Variants in ACVR1 observed in about 807,000 individuals in gnomAD.
The protein encoded by ACVR1 is activin A receptor type 1, also known as activin receptor type-1.
A neutral mutation model predicts 57.1 loss-of-function variants in ACVR1; 38 were observed. The ratio of observed to expected loss-of-function variants is 0.67; its 90% CI spans 0.51 to 0.87. The LOEUF is 0.87. Ranked by LOEUF, ACVR1 falls within the 40% of genes least tolerant of loss-of-function variation. The pLI is 0.00. For missense variants in ACVR1, 463 were observed against 638.2 expected (o/e 0.73, Z 2.96); for synonymous variants, 212 against 228.1 (o/e 0.93, Z 0.63).
chr2:157,812,995 A>G (rs936330813), intron 2 of ACVR1, among the ~76,000 whole-genome samples: 22 of 152,240 alleles, frequency 1.4e-4, no homozygotes, highest in Admixed American at 3.3e-4. Flanking sequence ...TGAACATCAT[A>G]AAGAGTGAAC....
At chr2:157,843,633 A>G in intron 1 of ACVR1, among the ~76,000 whole-genome samples, 1 of 152,190 alleles carries the variant, frequency 6.6e-6, no homozygotes, top group Non-Finnish European at 1.5e-5. Flanking sequence ...ATTATGTCAC[A>G]GTCTCTGGAT....
At chr2:157,770,227 A>G in intron 7 of ACVR1, 141 bp downstream of exon 7, 1 of 850,120 alleles carries the variant, frequency 1.2e-6, no homozygotes, top group Non-Finnish European at 1.9e-6. Flanking sequence ...GAGAAAATTA[A>G]ACAGCATATA....
chr2:157,840,428 G>GA (rs1377557210), intron 1 of ACVR1, among the ~76,000 whole-genome samples: 1 of 152,134 alleles, frequency 6.6e-6, no homozygotes, highest in Non-Finnish European at 1.5e-5. Flanking sequence ...ATGAAAGCAA[G>GA]AAAAAAGTTT....
At chr2:157,790,420 C>T (rs1157319497) in intron 3 of ACVR1, among the ~76,000 whole-genome samples, 1 of 152,192 alleles carries the variant, frequency 6.6e-6, no homozygotes, top group Non-Finnish European at 1.5e-5. Flanking sequence ...CTGTACCTCT[C>T]ATTTCACTGC....
Position 157,738,568 on chromosome 2 carries a change from T to C in ACVR1, c.1267A>G (p.Ile423Val). Residue 423 changes from isoleucine (I) to valine (V), a missense_variant and splice_region_variant, in exon 10 of 11, where the codon ATA (isoleucine) becomes GTA (valine). Physicochemically the swap from Ile to Val is conservative, Grantham distance 29 (BLOSUM62 3). Coordinates refer to ENST00000434821, the MANE Select transcript of ACVR1 (RefSeq NM_001111067.4). Reference sequence around the variant, plus strand: ...AACGGTGGCTTGTAATCCTCCACTATACCTGCACACAAGGACAAGAATTGT... The same window carrying C: ...AACGGTGGCTTGTAATCCTCCACTACACCTGCACACAAGGACAAGAATTGT... The part of the protein sequence containing the change: ...EVARRMVSNG[I>V]VEDYKPPFYD... 6.2e-7 allele frequency: 1 copy of C among 1,614,030 alleles called. No individual in the cohort carries two copies. Among genetic ancestry groups the C allele is most frequent in the Non-Finnish European group, 8.5e-7 (1 of 1,179,916 alleles).
intron 8 of ACVR1, among the ~76,000 whole-genome samples, chr2:157,763,549 T>C (rs1685744511): frequency 6.6e-6 from 1 of 152,154 alleles, no homozygotes; most frequent in South Asian, 2.1e-4. Flanking sequence ...TGAGACCTCA[T>C]TTCTACTAAG....
intron 1 of ACVR1, among the ~76,000 whole-genome samples, chr2:157,830,491 T>C (rs1181272860): frequency 6.6e-6 from 1 of 152,176 alleles, no homozygotes; most frequent in Non-Finnish European, 1.5e-5. Context: ...TCTGATTTCA[T>C]ACAAAAAGAC....
chr2:157,768,611 A>G (rs997619552), intron 7 of ACVR1, among the ~76,000 whole-genome samples: 41 of 152,222 alleles, frequency 2.7e-4, no homozygotes, highest in Admixed American at 2.6e-4. Context: ...ATTACTTTTA[A>G]ATAAGCAGGG....
intron 3 of ACVR1, among the ~76,000 whole-genome samples, chr2:157,793,386 A>T (rs1686993479): frequency 6.6e-6 from 1 of 152,170 alleles, no homozygotes; most frequent in Non-Finnish European, 1.5e-5. Flanking sequence ...ATGTGGCACT[A>T]GTTTAACTAC....
chr2:157,874,632 G>C (rs952865167), intron 1 of ACVR1, among the ~76,000 whole-genome samples: 1 of 152,178 alleles, frequency 6.6e-6, no homozygotes, highest in African/African-American at 2.4e-5. Flanking sequence ...GGGGAAAAGG[G>C]AGGTGGTGTC....
chr2:157,841,166 T>C (rs1688959251), intron 1 of ACVR1, among the ~76,000 whole-genome samples: 1 of 151,886 alleles, frequency 6.6e-6, no homozygotes, highest in Non-Finnish European at 1.5e-5. Flanking sequence ...GATCAAAAAG[T>C]GGGGATATTA....
intron 1 of ACVR1, among the ~76,000 whole-genome samples, chr2:157,856,094 ACT>A (rs1689523756): frequency 6.6e-6 from 1 of 152,024 alleles, no homozygotes; most frequent in Non-Finnish European, 1.5e-5. Flanking sequence ...CTTTGACAAG[ACT>A]CTACGAGACA....
At chr2:157,799,390 A>AT (rs1687242661) in intron 3 of ACVR1, 37 bp downstream of exon 3, 2 of 1,509,012 alleles carry the variant, frequency 1.3e-6, no homozygotes, top group African/African-American at 1.4e-5. Context: ...AAATCACAGT[A>AT]TACTTATCTT....
intron 2 of ACVR1, among the ~76,000 whole-genome samples, chr2:157,808,925 T>C (rs1266353192): frequency 6.7e-6 from 1 of 148,380 alleles, no homozygotes; most frequent in Non-Finnish European, 1.5e-5. Flanking sequence ...CTGAATTAGA[T>C]GTTATCTTTT....
At chr2:157,820,078 A>G (rs1052304480) in intron 1 of ACVR1, among the ~76,000 whole-genome samples, 2 of 152,234 alleles carry the variant, frequency 1.3e-5, no homozygotes, top group African/African-American at 4.8e-5. Flanking sequence ...TGTTTTACAG[A>G]TACTATCAAA....
At chr2:157,863,292 C>T (rs1441728651) in intron 1 of ACVR1, among the ~76,000 whole-genome samples, 26 of 131,888 alleles carry the variant, frequency 2.0e-4, no homozygotes, top group African/African-American at 7.2e-4. Context: ...GGATTACAGG[C>T]GTGAGCCACC....
At chr2:157,783,788 C>A (rs10469790) in intron 3 of ACVR1, among the ~76,000 whole-genome samples, 121,846 of 151,698 alleles carry the variant, frequency 0.8, 49,059 homozygotes, top group East Asian at 0.93. Context: ...ATCCACTGTT[C>A]AATCTTCTTA....
intron 2 of ACVR1, among the ~76,000 whole-genome samples, chr2:157,801,563 T>C (rs1396905641): frequency 6.6e-6 from 1 of 152,186 alleles, no homozygotes; most frequent in Non-Finnish European, 1.5e-5. Flanking sequence ...AATTCAAAAT[T>C]TGAAAATATT....
chr2:157,806,285 G>A (rs987863104), intron 2 of ACVR1, among the ~76,000 whole-genome samples: 1 of 151,480 alleles, frequency 6.6e-6, no homozygotes, highest in Non-Finnish European at 1.5e-5. Context: ...ATATTACTCT[G>A]TGACCCCCAA....
Sources: gnomAD v4.1 joint callset for allele counts (sites outside exome capture counted in the v4.1 genomes callset) on GRCh38, gnomAD v4.1.1 for gene constraint, MANE v1.5 for transcripts, NCBI Gene and HGNC (gene_info 2026-07-23, HGNC 2026-07-21) for gene names.